Variants in PCP4 observed in about 807,000 individuals in gnomAD.
PCP4 encodes the protein calmodulin regulator protein PCP4.
PCP4 carries 8 observed loss-of-function variants against 10.0 expected under a neutral mutation model. That is an observed-to-expected ratio of 0.80 (90% CI 0.47 to 1.45). The LOEUF (loss-of-function observed/expected upper bound fraction) is 1.45, where lower values mean the gene tolerates loss of function less well. PCP4 is among the 40% of genes most tolerant of loss of function. The pLI is 0.00. For missense variants in PCP4, 54 were observed against 74.4 expected, an observed-to-expected ratio of 0.73 and a Z score of 1.01; for synonymous variants, 21 against 23.0, an observed-to-expected ratio of 0.91 and a Z score of 0.24.
At position 39,873,518 on chromosome 21, in the gene PCP4, T is replaced by A. The variant is rs528242412; in HGVS notation, c.9+6008T>A. Among the ~76,000 whole-genome samples, 177 of 152,314 alleles carry A rather than the reference T, an allele frequency of 1.2e-3. 2 individuals carry two copies. The highest frequency in any genetic ancestry group is 4.2e-3 in the African/African-American group (173 of 41,570). On this transcript the variant is annotated intron_variant, in intron 1 of 2. Coordinates refer to ENST00000328619, the MANE Select transcript of PCP4 (RefSeq NM_006198.3). ...ATGCAAAAAGGGATGGATTCAAATT[T>A]CTTTTCTTGGGGAGTTCGAAACTGA...
chr21:39,895,061 A>G (rs898094683), intron 1 of PCP4, among the ~76,000 whole-genome samples: 3 of 151,882 alleles, frequency 2.0e-5, no homozygotes, highest in African/African-American at 7.3e-5. Context: ...CCATCCATTC[A>G]TCCACACACC....
At chr21:39,889,580 C>A (rs1414037699) in intron 1 of PCP4, among the ~76,000 whole-genome samples, 3 of 149,750 alleles carry the variant, frequency 2.0e-5, no homozygotes, top group Admixed American at 6.6e-5. Flanking sequence ...CCACGCCTGG[C>A]TAATTTTTTG....
chr21:39,897,896 A>G (rs952508395), intron 1 of PCP4, among the ~76,000 whole-genome samples: 1 of 151,956 alleles, frequency 6.6e-6, no homozygotes, highest in Non-Finnish European at 1.5e-5. Flanking sequence ...AATACAAAAA[A>G]TTAGCCGTAC....
intron 2 of PCP4, among the ~76,000 whole-genome samples, chr21:39,926,884 A>C (rs951553324): frequency 2.0e-5 from 3 of 152,220 alleles, no homozygotes; most frequent in African/African-American, 7.2e-5. Context: ...TGTGAGAAAC[A>C]GTTCCACTTG....
At chr21:39,923,795 A>G in intron 2 of PCP4, among the ~76,000 whole-genome samples, 1 of 152,172 alleles carries the variant, frequency 6.6e-6, no homozygotes, top group East Asian at 1.9e-4. Flanking sequence ...ACTCGTTTAG[A>G]CGCCCTGCTC....
rs373164376 is a variant in PCP4 at position 39,904,049 on chromosome 21, C to T, written c.61+5522C>T. Among the ~76,000 whole-genome samples the T allele has an allele frequency of 1.2e-4, 19 of 152,182 alleles. No individual in the cohort carries two copies. The South Asian group carries it at 3.7e-3, about 30-fold the overall frequency. ...CCTTTGGATTTTGAGGAAACACACA[C>T]ACATGTACACACACAGAGTCACTTT... On this transcript the variant is annotated intron_variant, in intron 2 of 2. Transcript: ENST00000328619.
chr21:39,901,459 G>C (rs1845835414), intron 2 of PCP4, among the ~76,000 whole-genome samples: 1 of 152,104 alleles, frequency 6.6e-6, no homozygotes, highest in Non-Finnish European at 1.5e-5. Flanking sequence ...ACATCCTATT[G>C]GTCTTTCAAA....
At chr21:39,873,040 A>T (rs2087328159) in intron 1 of PCP4, among the ~76,000 whole-genome samples, 1 of 152,194 alleles carries the variant, frequency 6.6e-6, no homozygotes, top group Non-Finnish European at 1.5e-5. Context: ...GAACGGAGCA[A>T]GGGACGTAGA....
chr21:39,869,667 G>T (rs1359429138), intron 1 of PCP4, among the ~76,000 whole-genome samples: 3 of 152,170 alleles, frequency 2.0e-5, no homozygotes, highest in African/African-American at 7.2e-5. Flanking sequence ...TCCTTGGAGA[G>T]CAGGAATTTG....
chr21:39,871,306 G>T (rs1238662127), intron 1 of PCP4, among the ~76,000 whole-genome samples: 1 of 152,216 alleles, frequency 6.6e-6, no homozygotes, highest in East Asian at 1.9e-4. Flanking sequence ...CCTAAGAAGA[G>T]AAAGATTATG....
intron 2 of PCP4, among the ~76,000 whole-genome samples, chr21:39,900,738 G>T (rs1173618633): frequency 1.3e-5 from 2 of 151,964 alleles, no homozygotes; most frequent in African/African-American, 4.8e-5. Flanking sequence ...AGATAAGAAT[G>T]AATCTCTATA....
intron 1 of PCP4, among the ~76,000 whole-genome samples, chr21:39,895,315 G>C (rs1398053772): frequency 6.6e-6 from 1 of 152,224 alleles, no homozygotes; most frequent in Non-Finnish European, 1.5e-5. Context: ...CATTAACAAA[G>C]ATCTGATAGC....
At chr21:39,873,808 C>T (rs2087331862) in intron 1 of PCP4, among the ~76,000 whole-genome samples, 1 of 152,212 alleles carries the variant, frequency 6.6e-6, no homozygotes, top group African/African-American at 2.4e-5. Context: ...ATGCCACATT[C>T]ATGTTGGGGC....
At chr21:39,879,427 T>C (rs1349895609) in intron 1 of PCP4, among the ~76,000 whole-genome samples, 2 of 152,236 alleles carry the variant, frequency 1.3e-5, no homozygotes, top group Non-Finnish European at 2.9e-5. Flanking sequence ...TCAGGCACTA[T>C]TCTATGAATT....
intron 1 of PCP4, among the ~76,000 whole-genome samples, chr21:39,887,249 C>T (rs1166615035): frequency 6.6e-6 from 1 of 151,864 alleles, no homozygotes; most frequent in Non-Finnish European, 1.5e-5. Flanking sequence ...GCCTTTGGGT[C>T]TTCCAGAGGT....
At chr21:39,902,739 T>A (rs1270236157) in intron 2 of PCP4, among the ~76,000 whole-genome samples, 1 of 152,202 alleles carries the variant, frequency 6.6e-6, no homozygotes, top group South Asian at 2.1e-4. Context: ...TAATTTTTTT[T>A]AATGTAGAAA....
At chr21:39,926,241 A>G (rs755430870) in intron 2 of PCP4, 1 of 301,958 alleles carries the variant, frequency 3.3e-6, no homozygotes, top group Non-Finnish European at 6.7e-6. Context: ...ATGAGGAATC[A>G]ATCAGTCACT....
chr21:39,882,225 C>A (rs2087379334), intron 1 of PCP4, among the ~76,000 whole-genome samples: 1 of 152,204 alleles, frequency 6.6e-6, no homozygotes, highest in Admixed American at 6.5e-5. Context: ...CTTTCTCACA[C>A]CTTTTTGTTC....
At chr21:39,870,574 G>A (rs979532524) in intron 1 of PCP4, among the ~76,000 whole-genome samples, 2 of 152,132 alleles carry the variant, frequency 1.3e-5, no homozygotes, top group African/African-American at 4.8e-5. Flanking sequence ...AGAGTTCCTG[G>A]AATAATGACA....
Sources: gnomAD v4.1 joint callset for allele counts (sites outside exome capture counted in the v4.1 genomes callset) on GRCh38, gnomAD v4.1.1 for gene constraint, MANE v1.5 for transcripts, NCBI Gene and HGNC (gene_info 2026-07-23, HGNC 2026-07-21) for gene names.